The following SLC35G2 variants were observed in gnomAD, a reference collection of about 807,000 sequenced individuals.
SLC35G2 encodes transmembrane protein 22.
In SLC35G2, 20 loss-of-function variants were observed where a neutral mutation model predicts 27.2. The ratio of observed to expected loss-of-function variants is 0.74; its 90% CI spans 0.52 to 1.07. The LOEUF is 1.07. Among genes scored for constraint, SLC35G2 ranks in the 50% least tolerant of loss-of-function variants. SLC35G2 has a pLI of 0.00. For synonymous variants in SLC35G2, 148 were observed against 165.3 expected (o/e 0.90, Z 0.80); for missense variants, 416 against 493.3 (o/e 0.84, Z 1.48).
At chr3:136,821,887 C>T (rs1266388415) in intron 1 of SLC35G2, among the ~76,000 whole-genome samples, 1 of 152,212 alleles carries the variant, frequency 6.6e-6, no homozygotes, top group Non-Finnish European at 1.5e-5. Flanking sequence ...TTCCCCTGCC[C>T]TCCAGTCCCT....
intron 1 of SLC35G2, among the ~76,000 whole-genome samples, chr3:136,850,636 C>T (rs956073053): frequency 6.6e-6 from 1 of 151,836 alleles, no homozygotes; most frequent in Admixed American, 6.6e-5. Flanking sequence ...AAAAGAATAT[C>T]TTGAAAGCAT....
intron 1 of SLC35G2, among the ~76,000 whole-genome samples, chr3:136,828,078 C>T (rs375703250): frequency 6.6e-6 from 1 of 152,208 alleles, no homozygotes; most frequent in African/African-American, 2.4e-5. Context: ...CTGCCCACCT[C>T]AGCCTCCCAA....
chr3:136,842,231 C>T (rs1481042294), intron 1 of SLC35G2: 4 of 152,048 alleles, frequency 2.6e-5, no homozygotes, highest in African/African-American at 9.7e-5. Context: ...ATACCCTTAC[C>T]CCATTCACTG....
At chr3:136,853,322 T>C (rs1176964990) in intron 1 of SLC35G2, among the ~76,000 whole-genome samples, 2 of 151,936 alleles carry the variant, frequency 1.3e-5, no homozygotes, top group African/African-American at 4.8e-5. Flanking sequence ...CCAACTCCTC[T>C]CAAACTTCTG....
At chr3:136,840,446 A>AG in intron 1 of SLC35G2, among the ~76,000 whole-genome samples, 1 of 152,116 alleles carries the variant, frequency 6.6e-6, no homozygotes, top group Middle Eastern at 3.4e-3. Flanking sequence ...GGACTGATTC[A>AG]TCCATATTCT....
chr3:136,843,499 A>G (rs1383612300), intron 1 of SLC35G2, among the ~76,000 whole-genome samples: 1 of 151,808 alleles, frequency 6.6e-6, no homozygotes, highest in African/African-American at 2.4e-5. Context: ...TACAAAAATT[A>G]GCCGGGTGTG....
At chr3:136,841,736 TAA>T (rs1348132482) in intron 1 of SLC35G2, 6 of 12,730 alleles carry the variant, frequency 4.7e-4, no homozygotes, top group African/African-American at 7.7e-4. Context: ...CGCCTCAAAA[TAA>T]ATAAATAAAT....
chr3:136,821,942 C>G (rs1936466756), intron 1 of SLC35G2, among the ~76,000 whole-genome samples: 1 of 152,068 alleles, frequency 6.6e-6, no homozygotes, highest in Non-Finnish European at 1.5e-5. Flanking sequence ...TTGACTACTT[C>G]ATTTTTATTT....
intron 1 of SLC35G2, among the ~76,000 whole-genome samples, chr3:136,826,279 C>T (rs778640418): frequency 2.4e-4 from 36 of 151,556 alleles, no homozygotes; most frequent in Non-Finnish European, 4.6e-4. Context: ...CCTCGTGATC[C>T]GCCTGTCTCG....
intron 1 of SLC35G2, among the ~76,000 whole-genome samples, chr3:136,830,588 T>G (rs1936704935): frequency 6.6e-6 from 1 of 151,830 alleles, no homozygotes; most frequent in Admixed American, 6.6e-5. Flanking sequence ...TGGCCTACTT[T>G]TTGTATTTTT....
intron 1 of SLC35G2, among the ~76,000 whole-genome samples, chr3:136,847,925 C>T (rs547221421): frequency 2.0e-5 from 3 of 150,954 alleles, no homozygotes; most frequent in Admixed American, 6.6e-5. Context: ...TGCAGTGAGC[C>T]GGGATTGCAT....
intron 1 of SLC35G2, among the ~76,000 whole-genome samples, chr3:136,822,623 A>G (rs994753036): frequency 1.3e-5 from 2 of 152,110 alleles, no homozygotes; most frequent in Non-Finnish European, 2.9e-5. Flanking sequence ...CGTACTCTCT[A>G]TCTCCATGAG....
intron 1 of SLC35G2, among the ~76,000 whole-genome samples, chr3:136,829,863 C>G (rs1378675646): frequency 1.3e-5 from 2 of 152,026 alleles, no homozygotes; most frequent in East Asian, 3.9e-4. Flanking sequence ...TATCCTTGAT[C>G]TTTGGGAGTT....
rs557374260 is a variant in SLC35G2, at chr3:136,847,768, A to C, written c.-18-6675A>C. ...TGGATCACTTGAGGTCAGGAGTTCG[A>C]GACCAGCCTGGCCAACATGGCGAAA... is the stretch of plus-strand genomic sequence containing the variant. On this transcript the variant is annotated intron_variant, in intron 1 of 1. Transcript: ENST00000446465. Among the ~76,000 whole-genome samples the C allele has an allele frequency of 6.6e-5, 10 of 152,254 alleles. 1 individual carries two copies. In the South Asian group the frequency reaches 2.1e-3, roughly 32 times the overall value.
At chr3:136,833,756 C>T (rs1327854912) in intron 1 of SLC35G2, among the ~76,000 whole-genome samples, 1 of 152,070 alleles carries the variant, frequency 6.6e-6, no homozygotes, top group Non-Finnish European at 1.5e-5. Context: ...TGGCCTAGTT[C>T]CTAACAGGCC....
intron 1 of SLC35G2, among the ~76,000 whole-genome samples, chr3:136,832,568 G>T (rs1936756764): frequency 6.6e-6 from 1 of 152,212 alleles, no homozygotes; most frequent in East Asian, 1.9e-4. Context: ...TTAAGAGAAA[G>T]CTTATGCCTT....
In SLC35G2 at chr3:136,850,102, G is replaced by A. The variant is rs192145832; in HGVS notation, c.-18-4341G>A. On this transcript the variant is annotated intron_variant, in intron 1 of 1. Coordinates refer to ENST00000446465, the MANE Select transcript of SLC35G2 (RefSeq NM_025246.3). ...AGCCTGGGGGACAGAGCGAGACTCC[G>A]TCTCAAAAATAAATAAATAACTAAA... is the stretch of plus-strand genomic sequence containing the variant. 1.0e-3 allele frequency among the ~76,000 whole-genome samples: 159 copies of A among 152,242 alleles called. No homozygotes were observed. The South Asian group carries it at 0.012, about 11-fold the overall frequency.
chr3:136,842,065 TAA>T (rs1290773891), intron 1 of SLC35G2: 1 of 151,568 alleles, frequency 6.6e-6, no homozygotes, highest in Admixed American at 6.5e-5. Context: ...TATTTTGAAA[TAA>T]AGATACTTTC....
At chr3:136,844,502 A>AG (rs1937268048) in intron 1 of SLC35G2, among the ~76,000 whole-genome samples, 1 of 150,444 alleles carries the variant, frequency 6.6e-6, no homozygotes, top group African/African-American at 2.5e-5. Context: ...AAAAAAAAAA[A>AG]ACAACAAATT....
Sources: gnomAD v4.1 joint callset for allele counts (sites outside exome capture counted in the v4.1 genomes callset) on GRCh38, gnomAD v4.1.1 for gene constraint, MANE v1.5 for transcripts, NCBI Gene and HGNC (gene_info 2026-07-23, HGNC 2026-07-21) for gene names.